Variants in FSHR observed in about 807,000 individuals in gnomAD.
FSHR encodes the protein follicle stimulating hormone receptor.
FSHR carries 46 observed loss-of-function variants against 52.1 expected under a neutral mutation model. The observed-to-expected ratio is 0.88, with a 90% confidence interval of 0.70 to 1.13. The LOEUF (loss-of-function observed/expected upper bound fraction) is 1.13, where lower values mean the gene tolerates loss of function less well. Among genes scored for constraint, FSHR ranks in the 50% most tolerant of loss-of-function variants. The probability of loss-of-function intolerance (pLI) is 0.00; values close to 1 mark genes in which losing one functional copy is unlikely to be tolerated. For missense variants in FSHR, 964 were observed against 834.6 expected (o/e 1.16, Z -1.91); for synonymous variants, 399 against 309.6 (o/e 1.29, Z -3.03).
At chr2:49,002,546 C>T (rs1666935900) in intron 4 of FSHR, among the ~76,000 whole-genome samples, 1 of 152,036 alleles carries the variant, frequency 6.6e-6, no homozygotes, top group Admixed American at 6.6e-5. Flanking sequence ...GCCTTCTTCA[C>T]ATGGTGGCAG....
rs1196123414 is a variant in FSHR at position 49,021,878 on chromosome 2, TATATATATAG to T, written c.225-1728_225-1719del. On this transcript the variant is annotated intron_variant, in intron 2 of 9. Transcript: ENST00000406846. ...CTCTCTCTCTCTATATATATATATATATATATATAGAGAGAGAGAGAGAGAGAGAGAGAGA... is the reference window on the plus strand; with the variant it reads ...CTCTCTCTCTCTATATATATATATATAGAGAGAGAGAGAGAGAGAGAGAGA... Among the ~76,000 whole-genome samples the T allele has an allele frequency of 9.9e-5, 6 of 60,852 alleles. No individual in the cohort carries two copies. In the South Asian group the frequency reaches 2.7e-3, roughly 27 times the overall value. 39.9% of individuals were successfully genotyped at this position (60,852 alleles called of 152,430 possible).
chr2:49,126,333 G>A (rs1257599801), intron 1 of FSHR, among the ~76,000 whole-genome samples: 1 of 146,218 alleles, frequency 6.8e-6, no homozygotes, highest in Non-Finnish European at 1.5e-5. Flanking sequence ...GAGGGGGGGA[G>A]AGAGAGAGGG....
intron 4 of FSHR, among the ~76,000 whole-genome samples, chr2:48,994,109 A>G (rs1282835811): frequency 1.3e-5 from 2 of 152,170 alleles, no homozygotes; most frequent in East Asian, 1.9e-4. Flanking sequence ...AATGTGCTCA[A>G]TGTTTGCCAA....
chr2:48,991,361 A>G (rs977610982), intron 4 of FSHR, among the ~76,000 whole-genome samples: 1 of 152,164 alleles, frequency 6.6e-6, no homozygotes, highest in African/African-American at 2.4e-5. Flanking sequence ...CAATACTACC[A>G]CTACTGGTGA....
At chr2:48,967,647 A>G (rs1305039696) in intron 9 of FSHR, among the ~76,000 whole-genome samples, 5 of 152,208 alleles carry the variant, frequency 3.3e-5, no homozygotes, top group African/African-American at 7.2e-5. Flanking sequence ...AAAAACAGCT[A>G]TTTTTCTACA....
intron 1 of FSHR, among the ~76,000 whole-genome samples, chr2:49,129,110 T>C (rs1672171557): frequency 1.3e-5 from 2 of 152,068 alleles, no homozygotes; most frequent in African/African-American, 2.4e-5. Flanking sequence ...AATGGTACTT[T>C]TGTTTTCACT....
At chr2:49,051,910 G>T (rs912853950) in intron 2 of FSHR, among the ~76,000 whole-genome samples, 1 of 151,938 alleles carries the variant, frequency 6.6e-6, no homozygotes, top group Non-Finnish European at 1.5e-5. Context: ...TTCCAATATG[G>T]ATACAAAGTT....
At chr2:49,142,995 A>C (rs1056336302) in intron 1 of FSHR, among the ~76,000 whole-genome samples, 1 of 152,090 alleles carries the variant, frequency 6.6e-6, no homozygotes, top group Non-Finnish European at 1.5e-5. Flanking sequence ...TCAAGTGGAG[A>C]AGTCAAGGTT....
chr2:49,151,666 C>G (rs945901883), intron 1 of FSHR, among the ~76,000 whole-genome samples: 19 of 152,074 alleles, frequency 1.2e-4, no homozygotes, highest in Non-Finnish European at 2.1e-4. Context: ...TAAGCAATTG[C>G]AGTCAATGAA....
intron 1 of FSHR, among the ~76,000 whole-genome samples, chr2:49,147,129 A>T (rs1672899848): frequency 6.6e-6 from 1 of 152,090 alleles, no homozygotes. Context: ...ACGAAAGAAC[A>T]AGGTAATGGC....
At chr2:49,098,504 G>T (rs935369359) in intron 1 of FSHR, among the ~76,000 whole-genome samples, 1 of 151,844 alleles carries the variant, frequency 6.6e-6, no homozygotes, top group African/African-American at 2.4e-5. Context: ...GACATTTAAA[G>T]TTAAGGGAAC....
At chr2:48,997,791 G>A (rs919961691) in intron 4 of FSHR, among the ~76,000 whole-genome samples, 1 of 152,038 alleles carries the variant, frequency 6.6e-6, no homozygotes, top group African/African-American at 2.4e-5. Flanking sequence ...GTTCTCTTGG[G>A]TGCTCAAATG....
intron 1 of FSHR, among the ~76,000 whole-genome samples, chr2:49,098,933 CACAA>C (rs1424254906): frequency 2.9e-5 from 4 of 137,382 alleles, no homozygotes; most frequent in South Asian, 2.3e-4. Flanking sequence ...ATCTGCAACA[CACAA>C]ACACACACAC....
intron 4 of FSHR, among the ~76,000 whole-genome samples, chr2:49,008,415 C>G (rs2104172931): frequency 6.6e-6 from 1 of 150,684 alleles, no homozygotes; most frequent in African/African-American, 2.4e-5. Context: ...TTTTCTTAAT[C>G]CAGTCTATCA....
chr2:48,989,155 A>C (rs1204029874), intron 5 of FSHR, 101 bp from the exon 6 acceptor site: 1 of 795,486 alleles, frequency 1.3e-6, no homozygotes, highest in African/African-American at 1.7e-5. Flanking sequence ...CAGCTGAGGT[A>C]ATGTATTAAT....
At chr2:49,074,846 T>C (rs1188056310) in intron 1 of FSHR, among the ~76,000 whole-genome samples, 1 of 152,102 alleles carries the variant, frequency 6.6e-6, no homozygotes, top group East Asian at 1.9e-4. Flanking sequence ...AGCCATAGAA[T>C]AAAATCCTTA....
intron 8 of FSHR, 151 bp from the exon 9 acceptor site, chr2:48,969,034 G>A (rs2104009597): frequency 1.4e-6 from 1 of 735,638 alleles, no homozygotes; most frequent in Non-Finnish European, 2.3e-6. Context: ...TGGCCAGATG[G>A]ATATTTGGCT....
At chr2:48,993,079 T>G (rs975645843) in intron 4 of FSHR, among the ~76,000 whole-genome samples, 1 of 152,170 alleles carries the variant, frequency 6.6e-6, no homozygotes, top group African/African-American at 2.4e-5. Context: ...TTTAGCATTC[T>G]TTGTTGATTC....
At chr2:48,967,951 G>A (rs1224412584) in intron 9 of FSHR, among the ~76,000 whole-genome samples, 1 of 152,204 alleles carries the variant, frequency 6.6e-6, no homozygotes, top group Non-Finnish European at 1.5e-5. Context: ...GAGCGTGAGA[G>A]CTTTGAGAAC....
Sources: gnomAD v4.1 joint callset for allele counts (sites outside exome capture counted in the v4.1 genomes callset) on GRCh38, gnomAD v4.1.1 for gene constraint, MANE v1.5 for transcripts, NCBI Gene and HGNC (gene_info 2026-07-23, HGNC 2026-07-21) for gene names.